Variants in GPR160 observed in about 807,000 individuals in gnomAD.
GPR160 encodes probable G protein-coupled receptor 160.
A neutral mutation model predicts 2.6 loss-of-function variants in GPR160; 2 were observed. The ratio of observed to expected loss-of-function variants is 0.77; its 90% confidence interval spans 0.32 to 2.44. The LOEUF is 2.44. GPR160 is among the 30% of genes most tolerant of loss of function. The probability of loss-of-function intolerance (pLI) is 0.11; values close to 1 mark genes in which losing one functional copy is unlikely to be tolerated. For synonymous variants in GPR160, 130 were observed against 132.2 expected, an observed-to-expected ratio of 0.98 and a Z score of 0.12; for missense variants, 351 against 383.6, an observed-to-expected ratio of 0.91 and a Z score of 0.71.
chr3:170,067,378 T>C (rs1020015837), intron 2 of GPR160, among the ~76,000 whole-genome samples: 4 of 152,140 alleles, frequency 2.6e-5, no homozygotes, highest in Admixed American at 2.0e-4. Flanking sequence ...GTGAATTATC[T>C]CTTCAAATCC....
At position 170,084,969 on chromosome 3, in the gene GPR160, A is replaced by AT. The variant is rs1713352315; in HGVS notation, c.998dup (p.Ser334IlefsTer22). ...TAATCTTGAGCAAATTGAAAAGCCT[A>AT]TATCAATAATGATTTGTTAATATTA... On this transcript the variant is annotated frameshift_variant, in exon 4 of 4. Coordinates refer to ENST00000355897, the MANE Select transcript of GPR160 (RefSeq NM_014373.3). LOFTEE classifies it high-confidence loss of function. 1 of 1,525,304 alleles carries AT rather than the reference A, an allele frequency of 6.6e-7. No homozygotes were observed. The highest frequency in any genetic ancestry group is 1.4e-5 in the African/African-American group (1 of 71,572). 94.5% of individuals were successfully genotyped at this position (1,525,304 alleles called of 1,614,324 possible).
chr3:170,053,939 A>C (rs752906368), intron 2 of GPR160, among the ~76,000 whole-genome samples: 56 of 150,700 alleles, frequency 3.7e-4, no homozygotes, highest in Middle Eastern at 3.5e-3. Context: ...AAAAGACCAC[A>C]GTTACCCATT....
intron 2 of GPR160, among the ~76,000 whole-genome samples, chr3:170,042,532 A>G (rs1716497199): frequency 6.6e-6 from 1 of 151,514 alleles, no homozygotes; most frequent in Non-Finnish European, 1.5e-5. Flanking sequence ...TGGCCAAAGA[A>G]AAGAGTTCAT....
At chr3:170,047,189 G>A (rs1394581719) in intron 2 of GPR160, among the ~76,000 whole-genome samples, 8 of 152,148 alleles carry the variant, frequency 5.3e-5, no homozygotes, top group Non-Finnish European at 1.0e-4. Context: ...CTAACCCTTC[G>A]TCCTTCTCCT....
chr3:170,049,520 C>G (rs1576890988), intron 2 of GPR160, among the ~76,000 whole-genome samples: 1 of 152,314 alleles, frequency 6.6e-6, no homozygotes, highest in East Asian at 1.9e-4. Context: ...GTTTTAAACC[C>G]TCCTTAAAAT....
intron 2 of GPR160, among the ~76,000 whole-genome samples, chr3:170,078,551 C>A (rs1331862541): frequency 1.3e-5 from 2 of 152,084 alleles, no homozygotes; most frequent in African/African-American, 4.8e-5. Context: ...TAAGAAAAAG[C>A]ATTAGAGAAA....
chr3:170,075,857 C>CT (rs1026357976), intron 2 of GPR160, among the ~76,000 whole-genome samples: 2 of 152,224 alleles, frequency 1.3e-5, no homozygotes, highest in Non-Finnish European at 2.9e-5. Context: ...CCTGGCCTCA[C>CT]TGGCCTTCCT....
rs551898791 is a variant in GPR160, at chr3:170,044,720, T to C, written c.-193+5677T>C. Among the ~76,000 whole-genome samples, 12 of 152,286 alleles carry C rather than the reference T, an allele frequency of 7.9e-5. No homozygotes were observed. The South Asian group carries it at 2.3e-3, about 29-fold the overall frequency. Reference sequence around the variant, plus strand: ...CCTGAAGTTGTGCATCAGCTCACTGTAGCTGCTCTGAGCTGGACCCCAGCC... The same window carrying C: ...CCTGAAGTTGTGCATCAGCTCACTGCAGCTGCTCTGAGCTGGACCCCAGCC... On this transcript the variant is annotated intron_variant, in intron 2 of 3. Transcript: ENST00000355897.
intron 2 of GPR160, among the ~76,000 whole-genome samples, chr3:170,073,682 G>A (rs1467233868): frequency 6.6e-6 from 1 of 152,014 alleles, no homozygotes; most frequent in East Asian, 1.9e-4. Context: ...TGTTCATGAG[G>A]GATGATGATC....
intron 2 of GPR160, among the ~76,000 whole-genome samples, chr3:170,059,810 T>C (rs185826294): frequency 2.6e-5 from 4 of 152,128 alleles, no homozygotes; most frequent in Admixed American, 2.6e-4. Flanking sequence ...CAGCATCCAT[T>C]AGCTGTTTTT....
chr3:170,071,904 C>T (rs547313943), intron 2 of GPR160, among the ~76,000 whole-genome samples: 19 of 151,976 alleles, frequency 1.3e-4, no homozygotes, highest in African/African-American at 4.6e-4. Flanking sequence ...TTTTTTGAGG[C>T]TTTTCCCTGT....
At chr3:170,073,288 C>G in intron 2 of GPR160, among the ~76,000 whole-genome samples, 1 of 151,818 alleles carries the variant, frequency 6.6e-6, no homozygotes, top group Non-Finnish European at 1.5e-5. Flanking sequence ...CTTCTGTTTT[C>G]TTCTAGAAAT....
At position 170,083,979 on chromosome 3, in the gene GPR160, G is replaced by GCTCT. The variant is rs761905373; in HGVS notation, c.12_15dup (p.Ser6LeufsTer21). 1 of 1,459,078 alleles carries GCTCT rather than the reference G, an allele frequency of 6.9e-7. No homozygotes were observed. The highest frequency in any genetic ancestry group is 1.5e-5 in the African/African-American group (1 of 68,710). The allele number at this position is 1,459,078 out of a possible 1,614,324, so 90.4% of individuals were successfully genotyped here. ...TTGAAATTTAACTAAAAATATGACT[G>GCTCT]CTCTCTCTTCAGAGAACTGCTCTTT... On this transcript the variant is annotated frameshift_variant, in exon 4 of 4. Coordinates refer to ENST00000355897, the MANE Select transcript of GPR160 (RefSeq NM_014373.3). LOFTEE classifies it low-confidence loss of function (END_TRUNC).
intron 2 of GPR160, among the ~76,000 whole-genome samples, chr3:170,068,149 A>T (rs1712435331): frequency 1.3e-5 from 2 of 151,944 alleles, no homozygotes; most frequent in African/African-American, 4.8e-5. Context: ...CTTTATTTTT[A>T]TTTATTTATT....
intron 2 of GPR160, among the ~76,000 whole-genome samples, chr3:170,048,843 T>C (rs959050172): frequency 6.6e-6 from 1 of 152,238 alleles, no homozygotes; most frequent in African/African-American, 2.4e-5. Flanking sequence ...GCTGGCAGCA[T>C]GGCATCACCT....
rs958716794 is a variant in GPR160, at chr3:170,050,240, C to CT, written c.-193+11208dup. Among the ~76,000 whole-genome samples the CT allele has an allele frequency of 8.2e-4, 113 of 138,226 alleles. 1 individual carries two copies. The highest frequency in any genetic ancestry group is 1.2e-3 in the Admixed American group (17 of 13,742). 90.7% of individuals were successfully genotyped at this position (138,226 alleles called of 152,430 possible). A position where few individuals can be genotyped will look rare whatever the true frequency, so the allele number is the denominator to read the frequency against. ...ATGCCCGCCTAATTTACTTCTTCTTCTTTTTTTTTTTGTTGTTGTTGAGAT... is the reference window on the plus strand; with the variant it reads ...ATGCCCGCCTAATTTACTTCTTCTTCTTTTTTTTTTTTGTTGTTGTTGAGAT... On this transcript the variant is annotated intron_variant, in intron 2 of 3. Transcript: ENST00000355897.
chr3:170,068,124 A>G (rs960416390), intron 2 of GPR160, among the ~76,000 whole-genome samples: 5 of 152,182 alleles, frequency 3.3e-5, no homozygotes, highest in Admixed American at 6.5e-5. Context: ...CGTTTCATTT[A>G]TAAGTTGAAA....
At chr3:170,081,853 G>A (rs1469703341) in intron 3 of GPR160, among the ~76,000 whole-genome samples, 3 of 152,148 alleles carry the variant, frequency 2.0e-5, no homozygotes, top group Non-Finnish European at 4.4e-5. Context: ...GCGTTAGTTT[G>A]CTAAGGATGA....
chr3:170,059,112 G>T (rs544416542), intron 2 of GPR160, among the ~76,000 whole-genome samples: 11 of 151,964 alleles, frequency 7.2e-5, no homozygotes, highest in African/African-American at 2.7e-4. Flanking sequence ...TAAATGATAG[G>T]GGGTGGGTGG....
Sources: allele counts gnomAD v4.1 joint callset (sites outside exome capture counted in the v4.1 genomes callset), GRCh38; gene constraint gnomAD v4.1.1; transcripts MANE v1.5; gene names NCBI Gene and HGNC (gene_info 2026-07-23, HGNC 2026-07-21).